Variants in C12orf42 observed in about 807,000 individuals in gnomAD.
C12orf42 encodes chromosome 12 open reading frame 42.
In C12orf42, 25 loss-of-function variants were observed where a neutral mutation model predicts 21.6. The ratio of observed to expected loss-of-function variants is 1.16; its 90% CI spans 0.84 to 1.62. The LOEUF is 1.62. Ranked by LOEUF, C12orf42 falls within the 40% of genes most tolerant of loss-of-function variation. The probability of loss-of-function intolerance (pLI) is 0.00; values close to 1 mark genes in which losing one functional copy is unlikely to be tolerated. For synonymous variants in C12orf42, 174 were observed against 175.0 expected, an observed-to-expected ratio of 0.99 and a Z score of 0.05; for missense variants, 483 against 459.3, an observed-to-expected ratio of 1.05 and a Z score of -0.47.
intron 4 of C12orf42, among the ~76,000 whole-genome samples, chr12:103,351,175 G>A (rs116281322): frequency 9.9e-5 from 15 of 152,284 alleles, no homozygotes; most frequent in African/African-American, 3.6e-4. Context: ...AGGTTTTACT[G>A]TACATCGTGA....
chr12:103,256,717 C>T (rs963893390), intron 10 of C12orf42, among the ~76,000 whole-genome samples: 2 of 152,010 alleles, frequency 1.3e-5, no homozygotes, highest in African/African-American at 4.8e-5. Context: ...CAGGAAACAC[C>T]TATGGAGAAA....
intron 2 of C12orf42, among the ~76,000 whole-genome samples, chr12:103,437,546 G>C (rs1950832222): frequency 6.6e-6 from 1 of 151,960 alleles, no homozygotes; most frequent in Non-Finnish European, 1.5e-5. Context: ...GAATCAAATA[G>C]ACACAATAAA....
chr12:103,243,523 TACTC>T (rs568165927), intron 10 of C12orf42, among the ~76,000 whole-genome samples: 17 of 152,100 alleles, frequency 1.1e-4, no homozygotes, highest in East Asian at 3.9e-4. Flanking sequence ...ATTAATTAGA[TACTC>T]AGGAAGTAAT....
chr12:103,405,097 G>C (rs2048325732), intron 2 of C12orf42, among the ~76,000 whole-genome samples: 1 of 152,136 alleles, frequency 6.6e-6, no homozygotes, highest in Non-Finnish European at 1.5e-5. Context: ...TGAGCACATG[G>C]CATTAGAGGT....
chr12:103,294,616 G>GA (rs1398741595), intron 4 of C12orf42, among the ~76,000 whole-genome samples: 1 of 137,334 alleles, frequency 7.3e-6, no homozygotes, highest in South Asian at 2.4e-4. Context: ...AAGAAAGAAA[G>GA]AAAGAAAGAA....
At chr12:103,429,358 TC>T (rs1950094432) in intron 2 of C12orf42, among the ~76,000 whole-genome samples, 1 of 152,148 alleles carries the variant, frequency 6.6e-6, no homozygotes, top group Non-Finnish European at 1.5e-5. Flanking sequence ...ATGAGTGAAC[TC>T]CCATTCACAT....
At chr12:103,542,203 T>C in the C12orf42 span, among the ~76,000 whole-genome samples, 2 of 152,224 alleles carry the variant, frequency 1.3e-5, no homozygotes, top group Admixed American at 1.3e-4. Flanking sequence ...GACCTGACTA[T>C]AGTGTTGCAT....
At chr12:103,542,140 T>G in the C12orf42 span, among the ~76,000 whole-genome samples, 1 of 152,336 alleles carries the variant, frequency 6.6e-6, no homozygotes, top group Admixed American at 6.5e-5. Flanking sequence ...GTCAGCACCA[T>G]GACAATAGCA....
the C12orf42 span, among the ~76,000 whole-genome samples, chr12:103,210,248 G>A: frequency 6.6e-6 from 1 of 152,040 alleles, no homozygotes; most frequent in South Asian, 2.1e-4. Context: ...CTAGGTAAAT[G>A]TTCTTTCCTG....
At chr12:103,315,975 T>TAC (rs766861056) in intron 4 of C12orf42, among the ~76,000 whole-genome samples, 1 of 148,630 alleles carries the variant, frequency 6.7e-6, no homozygotes, top group East Asian at 2.0e-4. Context: ...ACACTATAGA[T>TAC]ATATATATAT....
At position 103,476,342 on chromosome 12, in the gene C12orf42, C is replaced by T. The variant is rs183901226; in HGVS notation, c.78+2007G>A. The stretch of plus-strand genomic sequence containing the variant: ...CCTGATCCATTCCCTCTGTCCACTT[C>T]GCCACAGACCACAAGCAGCTCCAGG... On this transcript the variant is annotated intron_variant, in intron 2 of 5. Transcript: ENST00000548883. Among the ~76,000 whole-genome samples the T allele has an allele frequency of 1.4e-4, 21 of 152,322 alleles. No homozygotes were observed. In the East Asian group the frequency reaches 3.7e-3, roughly 27 times the overall value.
At chr12:103,352,503 A>T (rs879936682) in intron 4 of C12orf42, among the ~76,000 whole-genome samples, 1 of 152,012 alleles carries the variant, frequency 6.6e-6, no homozygotes, top group African/African-American at 2.4e-5. Context: ...TTTTCCTATG[A>T]GGCTTTCAAT....
At chr12:103,192,550 A>G in the C12orf42 span, among the ~76,000 whole-genome samples, 1 of 152,060 alleles carries the variant, frequency 6.6e-6, no homozygotes, top group African/African-American at 2.4e-5. Context: ...GAAGGGTGGA[A>G]AAAGATATTC....
At chr12:103,067,392 T>C in the C12orf42 span, among the ~76,000 whole-genome samples, 7 of 152,140 alleles carry the variant, frequency 4.6e-5, no homozygotes, top group Admixed American at 4.6e-4. Flanking sequence ...ATGCTCCCCA[T>C]CATCCTGAAG....
downstream of C12orf42, among the ~76,000 whole-genome samples, chr12:103,299,998 G>T (rs893439459): frequency 6.6e-6 from 1 of 152,150 alleles, no homozygotes; most frequent in African/African-American, 2.4e-5. Flanking sequence ...GAAGAAAAGG[G>T]TCTCAAAGTG....
downstream of C12orf42, among the ~76,000 whole-genome samples, chr12:103,266,961 A>T (rs2035200779): frequency 6.6e-6 from 1 of 152,186 alleles, no homozygotes; most frequent in Non-Finnish European, 1.5e-5. Context: ...GACAACAAAA[A>T]AACTTTGAGT....
At chr12:103,502,285 T>C in the C12orf42 span, among the ~76,000 whole-genome samples, 3 of 152,164 alleles carry the variant, frequency 2.0e-5, no homozygotes. Flanking sequence ...CCATCAGCTT[T>C]CAACAAGACT....
chr12:103,055,333 G>A, the C12orf42 span, among the ~76,000 whole-genome samples: 27 of 151,812 alleles, frequency 1.8e-4, no homozygotes, highest in Non-Finnish European at 3.4e-4. Context: ...TCTAAATTGT[G>A]AAATTTATGT....
chr12:103,145,968 G>C, the C12orf42 span, among the ~76,000 whole-genome samples: 3 of 151,896 alleles, frequency 2.0e-5, no homozygotes, highest in South Asian at 6.2e-4. Context: ...GAGAGAGAGA[G>C]AAAGAGAGAA....
Sources: gnomAD v4.1 joint callset for allele counts (sites outside exome capture counted in the v4.1 genomes callset) on GRCh38, gnomAD v4.1.1 for gene constraint, MANE v1.5 for transcripts, NCBI Gene and HGNC (gene_info 2026-07-23, HGNC 2026-07-21) for gene names.